Variants in DAB1 observed in about 807,000 individuals in gnomAD.
DAB1 encodes the protein disabled homolog 1.
In DAB1, 15 loss-of-function variants were observed where a neutral mutation model predicts 64.6. The ratio of observed to expected loss-of-function variants is 0.23; its 90% confidence interval spans 0.16 to 0.36. The LOEUF (loss-of-function observed/expected upper bound fraction) is 0.36. Ranked by LOEUF, DAB1 falls within the 10% of genes least tolerant of loss-of-function variation. DAB1 has a pLI of 1.00. For missense variants in DAB1, 596 were observed against 706.7 expected, an observed-to-expected ratio of 0.84 and a Z score of 1.78; for synonymous variants, 235 against 251.9, an observed-to-expected ratio of 0.93 and a Z score of 0.64.
chr1:57,089,247 A>G (rs1160311290), intron 4 of DAB1, among the ~76,000 whole-genome samples: 1 of 152,254 alleles, frequency 6.6e-6, no homozygotes, highest in Non-Finnish European at 1.5e-5. Context: ...TTCTCTGTTT[A>G]TGTACAATAT....
chr1:57,353,114 TACACACACACACAC>T (rs10572319), intron 1 of DAB1, among the ~76,000 whole-genome samples: 7 of 145,636 alleles, frequency 4.8e-5, no homozygotes, highest in East Asian at 2.0e-4. Flanking sequence ...TTTTTTTCCA[TACACACACACACAC>T]ACACACACAC....
intron 5 of DAB1, among the ~76,000 whole-genome samples, chr1:58,021,298 G>A (rs748553743): frequency 7.9e-5 from 12 of 152,206 alleles, no homozygotes; most frequent in Non-Finnish European, 1.5e-4. Flanking sequence ...TCACCATTTA[G>A]TATGTGCCAT....
At chr1:57,174,098 A>C (rs1483063619) in intron 2 of DAB1, among the ~76,000 whole-genome samples, 1 of 152,182 alleles carries the variant, frequency 6.6e-6, no homozygotes, top group Non-Finnish European at 1.5e-5. Flanking sequence ...AAGGAAACAA[A>C]AGGAAGGAAA....
intron 1 of DAB1, among the ~76,000 whole-genome samples, chr1:57,365,679 T>C (rs1397737980): frequency 6.6e-6 from 1 of 152,072 alleles, no homozygotes; most frequent in Admixed American, 6.6e-5. Context: ...GACCACAAAA[T>C]CCGTGTACTA....
chr1:57,248,104 G>T (rs1381998793), intron 2 of DAB1, among the ~76,000 whole-genome samples: 1 of 152,116 alleles, frequency 6.6e-6, no homozygotes, highest in African/African-American at 2.4e-5. Flanking sequence ...CATAGTATTT[G>T]CATCTAACCT....
intron 7 of DAB1, among the ~76,000 whole-genome samples, chr1:57,469,803 A>G (rs1215895319): frequency 1.3e-5 from 2 of 152,214 alleles, no homozygotes; most frequent in Non-Finnish European, 2.9e-5. Flanking sequence ...AGAAGATTCT[A>G]TGGTCAAATA....
At chr1:57,048,061 A>T (rs958477324) in intron 9 of DAB1, among the ~76,000 whole-genome samples, 2 of 152,220 alleles carry the variant, frequency 1.3e-5, no homozygotes, top group African/African-American at 4.8e-5. Context: ...TTCAATTCTT[A>T]AAAGAACTCT....
chr1:58,009,710 C>T (rs1646639991), intron 5 of DAB1, among the ~76,000 whole-genome samples: 1 of 152,178 alleles, frequency 6.6e-6, no homozygotes, highest in Non-Finnish European at 1.5e-5. Context: ...GTGTGTTCTA[C>T]TTATCTCTGA....
chr1:57,132,822 A>G (rs1318520220), intron 4 of DAB1, among the ~76,000 whole-genome samples: 1 of 152,180 alleles, frequency 6.6e-6, no homozygotes, highest in Non-Finnish European at 1.5e-5. Flanking sequence ...CACTCAGGAA[A>G]GCTCATCAGA....
chr1:57,907,318 T>A (rs1644568428), intron 5 of DAB1, among the ~76,000 whole-genome samples: 1 of 152,140 alleles, frequency 6.6e-6, no homozygotes, highest in South Asian at 2.1e-4. Context: ...CTTTCTCACA[T>A]GCCAAAAAGG....
chr1:57,032,098 C>G (rs564545996), intron 9 of DAB1, among the ~76,000 whole-genome samples: 8 of 152,280 alleles, frequency 5.3e-5, no homozygotes, highest in African/African-American at 1.7e-4. Context: ...GTCCTTCCAA[C>G]TAGTTCACTG....
chr1:58,349,318 T>C (rs1329223162), intron 3 of DAB1, among the ~76,000 whole-genome samples: 1 of 152,206 alleles, frequency 6.6e-6, no homozygotes, highest in African/African-American at 2.4e-5. Context: ...TGCAAGTCAC[T>C]GAGCATGAAC....
chr1:58,053,212 G>T (rs371008085), intron 5 of DAB1, among the ~76,000 whole-genome samples: 27 of 152,262 alleles, frequency 1.8e-4, no homozygotes, highest in African/African-American at 4.6e-4. Flanking sequence ...CTTGGTACCA[G>T]TTTTCTTTTT....
At chr1:57,594,772 G>A (rs1032893469) in intron 7 of DAB1, among the ~76,000 whole-genome samples, 34 of 152,026 alleles carry the variant, frequency 2.2e-4, no homozygotes, top group Middle Eastern at 3.2e-3. Flanking sequence ...GTGCAGTGGC[G>A]CCATCTCGGC....
chr1:58,487,186 G>A (rs2100363032), intron 3 of DAB1, among the ~76,000 whole-genome samples: 1 of 152,358 alleles, frequency 6.6e-6, no homozygotes, highest in East Asian at 1.9e-4. Flanking sequence ...CAGTGGCGAA[G>A]TTGAGAAGCC....
chr1:58,020,288 T>C lies in DAB1; in HGVS notation n.387+130223A>G, dbSNP rs572854971. On this transcript the variant is annotated intron_variant and non_coding_transcript_variant, in intron 5 of 20. Transcript: ENST00000485760. ...TCATGTGTTCAAGGAAGTGCTTAAA[T>C]ACCTGAAGTGCTTAAACACATAAAG... is the stretch of plus-strand genomic sequence containing the variant. 2.6e-5 allele frequency among the ~76,000 whole-genome samples: 4 copies of C among 152,360 alleles called. No individual in the cohort carries two copies. In the Middle Eastern group the frequency reaches 0.014, roughly 518 times the overall value.
At chr1:58,057,675 G>A (rs1029077340) in intron 5 of DAB1, among the ~76,000 whole-genome samples, 1 of 152,190 alleles carries the variant, frequency 6.6e-6, no homozygotes, top group Non-Finnish European at 1.5e-5. Context: ...TAGCTTTGCC[G>A]ACACCTTGGT....
chr1:58,418,659 G>A (rs1259831655), intron 3 of DAB1, among the ~76,000 whole-genome samples: 1 of 152,122 alleles, frequency 6.6e-6, no homozygotes, highest in East Asian at 1.9e-4. Context: ...TTGTTATGGG[G>A]GTTGGAGGAG....
intron 9 of DAB1, among the ~76,000 whole-genome samples, chr1:57,045,127 A>G (rs556023668): frequency 5.5e-4 from 84 of 152,352 alleles, no homozygotes; most frequent in Middle Eastern, 3.4e-3. Flanking sequence ...CAATTATGTT[A>G]TAGTGAGGAG....
Sources: gnomAD v4.1 joint callset for allele counts (sites outside exome capture counted in the v4.1 genomes callset) on GRCh38, gnomAD v4.1.1 for gene constraint, MANE v1.5 for transcripts, NCBI Gene and HGNC (gene_info 2026-07-23, HGNC 2026-07-21) for gene names.